Variants in PROX1 observed in about 807,000 individuals in gnomAD.
The protein encoded by PROX1 is prospero homeobox 1.
A neutral mutation model predicts 58.8 loss-of-function variants in PROX1; 7 were observed. That is an observed-to-expected ratio of 0.12 (90% CI 0.07 to 0.22). The LOEUF (loss-of-function observed/expected upper bound fraction) is 0.22. Among genes scored for constraint, PROX1 ranks in the 10% least tolerant of loss-of-function variants. The pLI is 1.00. For synonymous variants in PROX1, 350 were observed against 358.3 expected (o/e 0.98, Z 0.26); for missense variants, 675 against 927.8 (o/e 0.73, Z 3.54).
rs1278623477 is a variant in PROX1 at position 214,040,245 on chromosome 1, C to T, written c.*4411C>T. On this transcript the variant is annotated 3_prime_UTR_variant, in exon 5 of 5. Transcript: ENST00000366958. Reference sequence around the variant, plus strand: ...AAATGCTCATATTCAGAGCTGGGATCAAAACTGGTATTTAACCTTTGCATC... The same window carrying T: ...AAATGCTCATATTCAGAGCTGGGATTAAAACTGGTATTTAACCTTTGCATC... 6.6e-6 allele frequency: 1 copy of T among 152,138 alleles called. No individual in the cohort carries two copies. The highest frequency in any genetic ancestry group is 1.5e-5 in the Non-Finnish European group (1 of 68,028). The allele number at this position is 152,138 out of a possible 1,614,324, so 9.4% of individuals were successfully genotyped here.
chr1:214,011,655 C>A lies in PROX1; in HGVS notation c.1968C>A (p.Thr656=), dbSNP rs1425128733. ...CCAGTACTGAAGAGCTGTCTATAAC[C>A]AGAGACTGTGAGCTGTACAGGGCTC... The part of the protein sequence containing the change: ...GVTSTEELSI[T]RDCELYRALN... Residue 656 remains threonine, a synonymous_variant, in exon 4 of 5, where the codon ACC becomes ACA. Coordinates refer to ENST00000366958, the MANE Select transcript of PROX1 (RefSeq NM_001270616.2). 1 of 1,613,912 alleles carries A rather than the reference C, an allele frequency of 6.2e-7. No individual in the cohort carries two copies. The highest frequency in any genetic ancestry group is 1.3e-5 in the African/African-American group (1 of 74,906).
intron 3 of PROX1, among the ~76,000 whole-genome samples, chr1:214,010,087 C>A (rs1663855488): frequency 6.6e-6 from 1 of 152,100 alleles, no homozygotes; most frequent in South Asian, 2.1e-4. Context: ...TCTTTTTAAT[C>A]GGGTTCCCCG....
chr1:214,025,926 T>C (rs1328893568), intron 4 of PROX1, among the ~76,000 whole-genome samples: 1 of 152,118 alleles, frequency 6.6e-6, no homozygotes, highest in Admixed American at 6.5e-5. Flanking sequence ...CCTCCCAAAG[T>C]GCTGGGATTA....
chr1:214,002,394 C>CTTTTTT (rs372752239), intron 2 of PROX1, among the ~76,000 whole-genome samples: 1 of 128,972 alleles, frequency 7.8e-6, no homozygotes, highest in African/African-American at 2.9e-5. Flanking sequence ...ATCATCTTTT[C>CTTTTTT]TTTTTTTTTT....
chr1:213,998,379 C>A, intron 2 of PROX1, 119 bp downstream of exon 2: 1 of 1,225,942 alleles, frequency 8.2e-7, no homozygotes, highest in East Asian at 2.5e-5. Context: ...GCAACCTTTC[C>A]CATTATTCAA....
chr1:213,997,976 C>T lies in PROX1; in HGVS notation c.1441C>T (p.Arg481Cys), dbSNP rs1228695081. ...ATTGFTTSTF[R>C]HPFPLPLMAY... ...CACGGGCTTCACCACGTCCACCTTC[C>T]GCCACCCCTTCCCCCTTCCCTTGAT... Residue 481 changes from arginine (R) to cysteine (C), a missense_variant, in exon 2 of 5, where the codon CGC (arginine) becomes TGC (cysteine). This residue lies in a region of PROX1 where 403 missense variants were observed against 477.4 expected (regional missense o/e 0.84). Coordinates refer to ENST00000366958, the MANE Select transcript of PROX1 (RefSeq NM_001270616.2). This position sits in a 1 kb window ranked among gnomAD's most constrained non-coding sequence, Gnocchi z 7.1. The T allele has an allele frequency of 6.2e-7, 1 of 1,613,958 alleles. No individual in the cohort carries two copies. Among genetic ancestry groups the T allele is most frequent in the Non-Finnish European group, 8.5e-7 (1 of 1,179,914 alleles).
At chr1:214,016,135 C>A (rs140484000) in intron 4 of PROX1, among the ~76,000 whole-genome samples, 1 of 152,006 alleles carries the variant, frequency 6.6e-6, no homozygotes, top group African/African-American at 2.4e-5. Context: ...AGGGTACTTC[C>A]GCACACCTTT....
In PROX1 at chr1:213,991,799, G is replaced by A. The variant is rs952044644; in HGVS notation, c.-68+3316G>A. ...TCATGAATGTCTTATATCATTTTAG[G>A]GATTGTCTTGAATTTGCAGTGTTAA... On this transcript the variant is annotated intron_variant, in intron 1 of 4. Transcript: ENST00000366958. Among the ~76,000 whole-genome samples, 6 of 152,154 alleles carry A rather than the reference G, an allele frequency of 3.9e-5. No homozygotes were observed. The South Asian group carries it at 1.2e-3, about 32-fold the overall frequency.
chr1:214,021,144 G>GAGAT (rs1432122476), intron 4 of PROX1, among the ~76,000 whole-genome samples: 1 of 152,100 alleles, frequency 6.6e-6, no homozygotes, highest in Non-Finnish European at 1.5e-5. Context: ...CAAAAGGCTC[G>GAGAT]AGATATATCC....
intron 2 of PROX1, 114 bp downstream of exon 2, chr1:213,998,374 C>T: frequency 2.4e-6 from 3 of 1,247,894 alleles, no homozygotes; most frequent in Non-Finnish European, 3.2e-6. Flanking sequence ...AGAAGGCAAC[C>T]TTTCCCATTA....
At chr1:214,018,728 A>AATCT (rs1465444115) in intron 4 of PROX1, among the ~76,000 whole-genome samples, 1 of 152,208 alleles carries the variant, frequency 6.6e-6, no homozygotes, top group African/African-American at 2.4e-5. Context: ...ATTTAAAGGC[A>AATCT]ATCTCTGTGT....
chr1:214,016,142 C>A (rs1370786249), intron 4 of PROX1, among the ~76,000 whole-genome samples: 3 of 152,048 alleles, frequency 2.0e-5, no homozygotes, highest in African/African-American at 7.3e-5. Flanking sequence ...TTCCGCACAC[C>A]TTTGAATGTG....
At chr1:213,986,939 T>C (rs949597828), upstream of PROX1, among the ~76,000 whole-genome samples, 1 of 152,234 alleles carries the variant, frequency 6.6e-6, no homozygotes, top group Admixed American at 6.5e-5. Context: ...GTAAATTTTC[T>C]AGGGCTTTAT....
At position 214,007,487 on chromosome 1, in the gene PROX1, A is replaced by C. The variant is rs183887290; in HGVS notation, c.1833+2215A>C. ...TATGTTTTTTCTTTGGTTAGTAATA[A>C]ATGAATTTGTATTTCTTGAGCTTAC... On this transcript the variant is annotated intron_variant, in intron 3 of 4. Transcript: ENST00000366958. 4.5e-4 allele frequency among the ~76,000 whole-genome samples: 69 copies of C among 152,362 alleles called. 1 individual carries two copies. The Middle Eastern group carries it at 0.014, about 30-fold the overall frequency.
At position 214,036,409 on chromosome 1, in the gene PROX1, G is replaced by A. The variant is rs1012910555; in HGVS notation, c.*575G>A. 4 of 152,016 alleles carry A rather than the reference G, an allele frequency of 2.6e-5. No individual in the cohort carries two copies. Among genetic ancestry groups the A allele is most frequent in the Non-Finnish European group, 5.9e-5 (4 of 67,996 alleles). 9.4% of individuals were successfully genotyped at this position (152,016 alleles called of 1,614,324 possible). A position where few individuals can be genotyped will look rare whatever the true frequency, so the allele number is the denominator to read the frequency against. On this transcript the variant is annotated 3_prime_UTR_variant, in exon 5 of 5. Transcript: ENST00000366958. The stretch of plus-strand genomic sequence containing the variant: ...CTCACTTTTCCAAAGTACCCCAAAA[G>A]GCCAAATTAAAAAAGAAAAATAATC...
At chr1:214,013,919 G>C (rs366684) in intron 4 of PROX1, among the ~76,000 whole-genome samples, 108,145 of 152,020 alleles carry the variant, frequency 0.71, 38,741 homozygotes, top group South Asian at 0.84. Context: ...GAAAAGAAGG[G>C]AAGAAAGCAG....
chr1:214,035,577 C>T (rs1158969830), intron 4 of PROX1, 72 bp from the exon 5 acceptor site: 2 of 1,452,698 alleles, frequency 1.4e-6, no homozygotes, highest in East Asian at 4.6e-5. Context: ...GATCTTAGCT[C>T]AGTTTCCTTG....
upstream of PROX1, chr1:213,984,627 C>A: frequency 6.5e-6 from 1 of 152,678 alleles, no homozygotes; most frequent in Non-Finnish European, 1.5e-5. Flanking sequence ...GAGTGAGAGG[C>A]CGTCAGTCAG....
chr1:213,994,041 G>T (rs1349660440), intron 1 of PROX1, among the ~76,000 whole-genome samples: 1 of 152,200 alleles, frequency 6.6e-6, no homozygotes, highest in African/African-American at 2.4e-5. Flanking sequence ...GCATGGGGCA[G>T]GGATGCAGCT....
Sources: gnomAD v4.1 joint callset for allele counts (sites outside exome capture counted in the v4.1 genomes callset) on GRCh38, gnomAD v4.1.1 for gene constraint, gnomAD v4.1.1 regional missense constraint, Gnocchi (gnomAD v3.1) non-coding constraint, MANE v1.5 for transcripts, NCBI Gene and HGNC (gene_info 2026-07-23, HGNC 2026-07-21) for gene names.